The following CFAP221 variants were observed in gnomAD, a reference collection of about 807,000 sequenced individuals.
CFAP221 encodes cilia- and flagella-associated protein 221.
Under a neutral mutation model 113.1 loss-of-function variants are expected in CFAP221, and 97 were observed. The ratio of observed to expected loss-of-function variants is 0.86; its 90% CI spans 0.73 to 1.02. The LOEUF (loss-of-function observed/expected upper bound fraction) is 1.02. Among genes scored for constraint, CFAP221 ranks in the 50% least tolerant of loss-of-function variants. The pLI is 0.00. For missense variants in CFAP221, 1,025 were observed against 1,013.4 expected (o/e 1.01, Z -0.16); for synonymous variants, 331 against 354.4 (o/e 0.93, Z 0.74).
intron 3 of CFAP221, among the ~76,000 whole-genome samples, chr2:119,555,588 C>T (rs910355231): frequency 3.3e-5 from 5 of 151,898 alleles, no homozygotes; most frequent in East Asian, 1.9e-4. Flanking sequence ...TTATTTATAA[C>T]GATCTAAAAA....
chr2:119,588,960 G>C (rs1251616134), intron 7 of CFAP221, among the ~76,000 whole-genome samples: 2 of 152,156 alleles, frequency 1.3e-5, no homozygotes, highest in Non-Finnish European at 2.9e-5. Context: ...CAGGAACAAA[G>C]AAAGACCAAG....
intron 13 of CFAP221, among the ~76,000 whole-genome samples, chr2:119,613,650 G>A (rs2104706530): frequency 6.6e-6 from 1 of 152,332 alleles, no homozygotes; most frequent in Non-Finnish European, 1.5e-5. Context: ...AAAGCAGCAA[G>A]GCCCTGGGCC....
intron 12 of CFAP221, among the ~76,000 whole-genome samples, chr2:119,610,270 G>T (rs2104695525): frequency 6.6e-6 from 1 of 152,262 alleles, no homozygotes; most frequent in Admixed American, 6.5e-5. Context: ...ACGTCTCAGG[G>T]ACCCCATTCT....
intron 23 of CFAP221, among the ~76,000 whole-genome samples, chr2:119,653,179 G>C (rs1297419833): frequency 6.6e-6 from 1 of 151,622 alleles, no homozygotes; most frequent in Non-Finnish European, 1.5e-5. Context: ...TCAGCAGTTA[G>C]AGACCAGCCT....
chr2:119,587,104 T>A lies in CFAP221; in HGVS notation c.528-15T>A. 6.8e-7 allele frequency: 1 copy of A among 1,474,554 alleles called. No individual in the cohort carries two copies. The highest frequency in any genetic ancestry group is 2.5e-5 in the Admixed American group (1 of 40,718). The allele number at this position is 1,474,554 out of a possible 1,614,324, so 91.3% of individuals were successfully genotyped here. A position where few individuals can be genotyped will look rare whatever the true frequency, so the allele number is the denominator to read the frequency against. On this transcript the variant is annotated splice_polypyrimidine_tract_variant and intron_variant, in intron 6 of 23. Transcript: ENST00000413369. Reference sequence around the variant, plus strand: ...AAAAATAATATTTTTATTTTCTTTTTTGTTTGTTTTGCAGCAAAACTTATG... The same window carrying A: ...AAAAATAATATTTTTATTTTCTTTTATGTTTGTTTTGCAGCAAAACTTATG...
chr2:119,546,606 C>A (rs1167751573), intron 2 of CFAP221, among the ~76,000 whole-genome samples: 1 of 152,176 alleles, frequency 6.6e-6, no homozygotes, highest in Non-Finnish European at 1.5e-5. Flanking sequence ...AAAATCCTGG[C>A]TGGCTTTTAT....
intron 7 of CFAP221, among the ~76,000 whole-genome samples, chr2:119,588,928 C>T (rs559142738): frequency 2.0e-4 from 31 of 151,914 alleles, no homozygotes; most frequent in Non-Finnish European, 3.7e-4. Context: ...GACACTCAGA[C>T]GATAGCAAGG....
intron 21 of CFAP221, among the ~76,000 whole-genome samples, chr2:119,644,362 A>G (rs1354321708): frequency 6.6e-6 from 1 of 152,192 alleles, no homozygotes; most frequent in Non-Finnish European, 1.5e-5. Context: ...CCATTGTGCT[A>G]GACCAGCCTG....
intron 6 of CFAP221, among the ~76,000 whole-genome samples, chr2:119,582,368 CAGGT>C (rs1180713395): frequency 6.6e-6 from 1 of 151,838 alleles, no homozygotes; most frequent in Admixed American, 6.6e-5. Flanking sequence ...CTTCAATAGG[CAGGT>C]AGGGCTGACC....
chr2:119,587,851 A>G (rs2104618704), intron 7 of CFAP221, among the ~76,000 whole-genome samples: 2 of 152,188 alleles, frequency 1.3e-5, no homozygotes, highest in Non-Finnish European at 2.9e-5. Context: ...TTTGTTTACA[A>G]CTCTTTCAGT....
At chr2:119,595,095 G>A (rs1683867596) in intron 7 of CFAP221, among the ~76,000 whole-genome samples, 1 of 152,202 alleles carries the variant, frequency 6.6e-6, no homozygotes. Context: ...AGCGCCTTCT[G>A]AACTGGGTCC....
intron 11 of CFAP221, among the ~76,000 whole-genome samples, chr2:119,608,167 T>C (rs1684901419): frequency 6.6e-6 from 1 of 152,216 alleles, no homozygotes; most frequent in African/African-American, 2.4e-5. Flanking sequence ...CAATACCCGT[T>C]ATTTTCCATT....
intron 19 of CFAP221, among the ~76,000 whole-genome samples, chr2:119,637,303 C>T (rs1297394162): frequency 2.0e-5 from 3 of 152,192 alleles, no homozygotes; most frequent in Admixed American, 1.3e-4. Context: ...TCTGCACCAA[C>T]GCTTACCTCC....
intron 19 of CFAP221, among the ~76,000 whole-genome samples, chr2:119,635,062 A>T (rs1348515064): frequency 3.3e-5 from 5 of 152,270 alleles, no homozygotes; most frequent in Non-Finnish European, 7.3e-5. Context: ...AAAAGATTTG[A>T]ACACATACTT....
intron 6 of CFAP221, among the ~76,000 whole-genome samples, chr2:119,565,744 C>T (rs1174734804): frequency 6.6e-6 from 1 of 152,170 alleles, no homozygotes; most frequent in Non-Finnish European, 1.5e-5. Context: ...ACTTCATACC[C>T]TTAACGTAAT....
intron 7 of CFAP221, among the ~76,000 whole-genome samples, chr2:119,596,243 T>C (rs1683962962): frequency 6.6e-6 from 1 of 152,008 alleles, no homozygotes; most frequent in African/African-American, 2.4e-5. Flanking sequence ...ACCTTGGAGA[T>C]GGTGAGGGAC....
intron 12 of CFAP221, among the ~76,000 whole-genome samples, chr2:119,609,388 A>C (rs1470032054): frequency 6.6e-6 from 1 of 152,184 alleles, no homozygotes; most frequent in African/African-American, 2.4e-5. Context: ...AACAGCAGAA[A>C]TTTATTTTCT....
At chr2:119,642,928 A>C (rs1339494994) in intron 21 of CFAP221, among the ~76,000 whole-genome samples, 1 of 151,278 alleles carries the variant, frequency 6.6e-6, no homozygotes, top group East Asian at 2.0e-4. Context: ...CCATCTCCAA[A>C]TACCATCACA....
At chr2:119,568,782 A>G (rs1169891652) in intron 6 of CFAP221, among the ~76,000 whole-genome samples, 1 of 152,158 alleles carries the variant, frequency 6.6e-6, no homozygotes, top group Non-Finnish European at 1.5e-5. Flanking sequence ...GTTATTGTGA[A>G]TAGTGCTGCA....
Sources: gnomAD v4.1 joint callset for allele counts (sites outside exome capture counted in the v4.1 genomes callset) on GRCh38, gnomAD v4.1.1 for gene constraint, MANE v1.5 for transcripts, NCBI Gene and HGNC (gene_info 2026-07-23, HGNC 2026-07-21) for gene names.